The following KLRC1 variants were observed in gnomAD, a reference collection of about 807,000 sequenced individuals.
The protein encoded by KLRC1 is killer cell lectin like receptor C1, also known as NKG2-A/NKG2-B type II integral membrane protein.
KLRC1 carries 22 observed loss-of-function variants against 25.9 expected under a neutral mutation model. The observed-to-expected ratio is 0.85, with a 90% CI of 0.61 to 1.21. KLRC1 has a LOEUF of 1.21. Among genes scored for constraint, KLRC1 ranks in the 50% most tolerant of loss-of-function variants. KLRC1 has a pLI of 0.00. For missense variants in KLRC1, 240 were observed against 272.2 expected, an observed-to-expected ratio of 0.88 and a Z score of 0.83; for synonymous variants, 77 against 93.1, an observed-to-expected ratio of 0.83 and a Z score of 0.99.
Position 10,449,331 on chromosome 12 carries a change from T to C in KLRC1, c.395A>G (p.Tyr132Cys). ...EWITYSNSCY[Y>C]IGKERRTWEE... ...CCAAGTTCTTCTTTCCTTACCAATG[T>C]AGTAACAACTGTTGGAATATGTAAT... The change falls in exon 5 of 7, where the codon TAC becomes TGC. Residue 132 changes from tyrosine to cysteine, a missense_variant. Tyr to Cys is a radical substitution (Grantham distance 194). Coordinates refer to ENST00000359151, the MANE Select transcript of KLRC1 (RefSeq NM_002259.5). 6.2e-7 allele frequency: 1 copy of C among 1,613,974 alleles called. No individual in the cohort carries two copies. Among genetic ancestry groups the C allele is most frequent in the South Asian group, 1.1e-5 (1 of 91,080 alleles).
At chr12:10,444,337 C>T (rs7968282), downstream of KLRC1, among the ~76,000 whole-genome samples, 38,781 of 132,474 alleles carry the variant, frequency 0.29, 8,957 homozygotes, top group African/African-American at 0.6. Context: ...GCTTTTAAAA[C>T]TTGATGAACG....
upstream of KLRC1, chr12:10,454,506 T>C: frequency 1.9e-6 from 1 of 521,434 alleles, no homozygotes; most frequent in Non-Finnish European, 2.5e-6. Flanking sequence ...ATGTAGACCC[T>C]GAAACAGCCC....
At chr12:10,450,872 T>C (rs1299546517) in intron 2 of KLRC1, 98 bp downstream of exon 2, 19 of 874,700 alleles carry the variant, frequency 2.2e-5, no homozygotes, top group Non-Finnish European at 3.2e-5. Context: ...TCTTTGCAAA[T>C]AGAAGATATA....
Position 10,446,065 on chromosome 12 carries a change from T to C in KLRC1, c.*486A>G, listed in dbSNP as rs1863977879. On this transcript the variant is annotated 3_prime_UTR_variant, in exon 7 of 7. Coordinates refer to ENST00000359151, the MANE Select transcript of KLRC1 (RefSeq NM_002259.5). ...TCTGGATAGCTTTATTGAAGTGTCG[T>C]GTACAAAGCATACATTTCATGCACT... is the stretch of plus-strand genomic sequence containing the variant. 6.6e-6 allele frequency: 1 copy of C among 151,738 alleles called. No homozygotes were observed. The highest frequency in any genetic ancestry group is 1.5e-5 in the Non-Finnish European group (1 of 68,338). 9.4% of individuals were successfully genotyped at this position (151,738 alleles called of 1,614,324 possible).
downstream of KLRC1, among the ~76,000 whole-genome samples, chr12:10,445,567 A>G (rs1401889130): frequency 6.6e-6 from 1 of 152,182 alleles, no homozygotes; most frequent in Non-Finnish European, 1.5e-5. Context: ...TGGGTATAAA[A>G]CCCTAGCCAG....
At chr12:10,449,498 ATC>A in intron 4 of KLRC1, 110 bp from the exon 5 acceptor site, 1 of 1,508,370 alleles carries the variant, frequency 6.6e-7, no homozygotes, top group East Asian at 2.3e-5. Flanking sequence ...ATATCTATAC[ATC>A]TTCATGGGCT....
At chr12:10,452,404 A>C (rs1261138214) in intron 1 of KLRC1, among the ~76,000 whole-genome samples, 1 of 152,170 alleles carries the variant, frequency 6.6e-6, no homozygotes, top group Admixed American at 6.5e-5. Flanking sequence ...AATTAATTCT[A>C]GCTTTGACAC....
downstream of KLRC1, among the ~76,000 whole-genome samples, chr12:10,445,245 A>G (rs1019064626): frequency 3.3e-5 from 5 of 152,124 alleles, no homozygotes; most frequent in African/African-American, 1.2e-4. Context: ...AGGGAAATAT[A>G]CAATGATCAC....
chr12:10,444,767 G>A (rs1431017666), downstream of KLRC1, among the ~76,000 whole-genome samples: 1 of 151,934 alleles, frequency 6.6e-6, no homozygotes. Context: ...AATGCTTCTA[G>A]GTTATAGAAA....
At position 10,446,488 on chromosome 12, in the gene KLRC1, T is replaced by C. The variant is rs563733420; in HGVS notation, c.*63A>G. Reference sequence around the variant, plus strand: ...CATTTTAAGATTTATGCAATCATAATATATTTCTATTTTAAGAAATATACA... The same window carrying C: ...CATTTTAAGATTTATGCAATCATAACATATTTCTATTTTAAGAAATATACA... On this transcript the variant is annotated 3_prime_UTR_variant, in exon 7 of 7. Coordinates refer to ENST00000359151, the MANE Select transcript of KLRC1 (RefSeq NM_002259.5). The C allele has an allele frequency of 5.9e-6, 9 of 1,516,536 alleles. No homozygotes were observed. Among genetic ancestry groups the C allele is most frequent in the African/African-American group, 1.4e-5 (1 of 70,414 alleles). 93.9% of individuals were successfully genotyped at this position (1,516,536 alleles called of 1,614,324 possible).
At chr12:10,449,791 TTTTA>T in intron 4 of KLRC1, 119 bp downstream of exon 4, 2 of 757,788 alleles carry the variant, frequency 2.6e-6, no homozygotes, top group Non-Finnish European at 3.9e-6. Flanking sequence ...CTTACTCTAA[TTTTA>T]TTTATGAACA....
In KLRC1 at chr12:10,446,408, T is replaced by C. The variant is rs965701407; in HGVS notation, c.*143A>G. 62 of 1,432,926 alleles carry C rather than the reference T, an allele frequency of 4.3e-5. No individual in the cohort carries two copies. The highest frequency in any genetic ancestry group is 2.6e-4 in the Middle Eastern group (1 of 3,822). 88.8% of individuals were successfully genotyped at this position (1,432,926 alleles called of 1,614,324 possible). ...ATGTCTGTACTTTAGTAATTGTGTGTATCCTGTTTCAATAATTGATTTAGA... is the reference window on the plus strand; with the variant it reads ...ATGTCTGTACTTTAGTAATTGTGTGCATCCTGTTTCAATAATTGATTTAGA... On this transcript the variant is annotated 3_prime_UTR_variant, in exon 7 of 7. Transcript: ENST00000359151.
At chr12:10,452,453 A>C (rs1420658193) in intron 1 of KLRC1, among the ~76,000 whole-genome samples, 1 of 152,178 alleles carries the variant, frequency 6.6e-6, no homozygotes, top group Non-Finnish European at 1.5e-5. Context: ...TCTATTTTTA[A>C]TAACCCAGTT....
At chr12:10,444,870 G>A (rs1476739185), downstream of KLRC1, among the ~76,000 whole-genome samples, 1 of 150,736 alleles carries the variant, frequency 6.6e-6, no homozygotes, top group African/African-American at 2.4e-5. Flanking sequence ...TGTGAACGTG[G>A]ATGAAGAAAC....
intron 6 of KLRC1, chr12:10,447,185 C>T (rs1393711721): frequency 1.0e-5 from 2 of 196,722 alleles, no homozygotes; most frequent in Non-Finnish European, 2.1e-5. Flanking sequence ...AATACATATA[C>T]GTAAACTTTC....
At chr12:10,448,741 A>G (rs975494047) in intron 5 of KLRC1, among the ~76,000 whole-genome samples, 19 of 152,250 alleles carry the variant, frequency 1.2e-4, no homozygotes, top group African/African-American at 4.6e-4. Context: ...AAAAACACAG[A>G]CATGAAATTC....
intron 1 of KLRC1, among the ~76,000 whole-genome samples, chr12:10,452,834 T>C (rs1281447662): frequency 1.3e-5 from 2 of 152,248 alleles, no homozygotes; most frequent in Admixed American, 6.5e-5. Context: ...ATCAATTGAT[T>C]GATTTATTTT....
downstream of KLRC1, among the ~76,000 whole-genome samples, chr12:10,445,104 C>T (rs1309873364): frequency 1.5e-4 from 23 of 151,404 alleles, no homozygotes; most frequent in Admixed American, 1.5e-3. Context: ...ATTTTTAGTA[C>T]AGATGGGGTT....
chr12:10,447,155 G>A lies in KLRC1; in HGVS notation c.590+377C>T, dbSNP rs1181460330. On this transcript the variant is annotated intron_variant, in intron 6 of 6. Coordinates refer to ENST00000359151, the MANE Select transcript of KLRC1 (RefSeq NM_002259.5). ...TGCCCACGGGCCGCATGTGACCCAG[G>A]ACAGCTTCAAATGCGGCCCAATACA... The A allele has an allele frequency of 4.5e-5, 9 of 201,206 alleles. No individual in the cohort carries two copies. In the East Asian group the frequency reaches 1.1e-3, roughly 25 times the overall value. 12.5% of individuals were successfully genotyped at this position (201,206 alleles called of 1,614,324 possible).
Sources: allele counts gnomAD v4.1 joint callset (sites outside exome capture counted in the v4.1 genomes callset), GRCh38; gene constraint gnomAD v4.1.1; transcripts MANE v1.5; gene names NCBI Gene and HGNC (gene_info 2026-07-23, HGNC 2026-07-21).